Variants in SEC63 observed in about 807,000 individuals in gnomAD.
The protein encoded by SEC63 is SEC63 protein translocation regulator, also known as translocation protein SEC63 homolog.
A neutral mutation model predicts 116.2 loss-of-function variants in SEC63; 56 were observed. That is an observed-to-expected ratio of 0.48 (90% CI 0.39 to 0.60). The LOEUF (loss-of-function observed/expected upper bound fraction) is 0.60, where lower values mean the gene tolerates loss of function less well. SEC63 is among the 20% of genes least tolerant of loss of function. The pLI is 0.00. For missense variants in SEC63, 668 were observed against 900.0 expected, an observed-to-expected ratio of 0.74 and a Z score of 3.30; for synonymous variants, 273 against 294.6, an observed-to-expected ratio of 0.93 and a Z score of 0.75.
intron 7 of SEC63, chr6:107,909,260 C>T: frequency 2.3e-6 from 1 of 428,332 alleles, no homozygotes; most frequent in Non-Finnish European, 4.3e-6. Flanking sequence ...TGCCTCTAGT[C>T]CCAGCTGCTC....
intron 19 of SEC63, among the ~76,000 whole-genome samples, chr6:107,876,023 C>T (rs1161571467): frequency 2.6e-5 from 4 of 152,002 alleles, no homozygotes; most frequent in Non-Finnish European, 5.9e-5. Context: ...CCACCAAGTA[C>T]AGGCAGACAG....
intron 10 of SEC63, among the ~76,000 whole-genome samples, chr6:107,905,958 CAACAA>C (rs1270727189): frequency 6.6e-6 from 1 of 152,144 alleles, no homozygotes; most frequent in African/African-American, 2.4e-5. Context: ...AAAAGAACAG[CAACAA>C]AACACACCGC....
chr6:107,886,251 G>A (rs1224354078), intron 16 of SEC63, among the ~76,000 whole-genome samples: 2 of 152,126 alleles, frequency 1.3e-5, no homozygotes, highest in Non-Finnish European at 2.9e-5. Flanking sequence ...TCTTTATCCA[G>A]TCTATCATTG....
intron 2 of SEC63, among the ~76,000 whole-genome samples, chr6:107,926,243 G>A (rs1279206043): frequency 1.3e-5 from 2 of 152,248 alleles, no homozygotes; most frequent in South Asian, 2.1e-4. Flanking sequence ...ATAAATAAGT[G>A]CATAAAGTAA....
intron 4 of SEC63, among the ~76,000 whole-genome samples, chr6:107,914,734 G>C (rs1787360691): frequency 1.3e-5 from 2 of 152,132 alleles, no homozygotes; most frequent in African/African-American, 4.8e-5. Flanking sequence ...ACCCAACTCA[G>C]AGTTTTAGCT....
At chr6:107,875,853 A>C (rs1786251160) in intron 19 of SEC63, among the ~76,000 whole-genome samples, 1 of 152,226 alleles carries the variant, frequency 6.6e-6, no homozygotes, top group South Asian at 2.1e-4. Flanking sequence ...ATATCTAGCA[A>C]TATAGACCAA....
At position 107,913,421 on chromosome 6, in the gene SEC63, C is replaced by A. The variant is rs757425498; in HGVS notation, c.459G>T (p.Thr153=). Residue 153 remains threonine, a synonymous_variant, in exon 5 of 21, where the codon ACG becomes ACT. Transcript: ENST00000369002. ...MRIAKAYAAL[T]DEESRKNWEE... is the part of the protein sequence containing the mutation. ...CCCAATTTTTCCGGGACTCTTCATC[C>A]GTTAAACTAGCATCAAAAGAACAAA... The A allele has an allele frequency of 1.9e-6, 3 of 1,612,292 alleles. No homozygotes were observed. In the Admixed American group the frequency reaches 5.0e-5, roughly 27 times the overall value.
intron 3 of SEC63, among the ~76,000 whole-genome samples, chr6:107,924,212 C>T (rs1166318479): frequency 4.7e-5 from 7 of 149,896 alleles, no homozygotes; most frequent in African/African-American, 1.2e-4. Flanking sequence ...TGCAGTGAGC[C>T]GACGTCGTGC....
At position 107,879,763 on chromosome 6, in the gene SEC63, C is replaced by T. The variant is rs1583723270; in HGVS notation, c.1935+1386G>A. On this transcript the variant is annotated intron_variant, in intron 18 of 20. Transcript: ENST00000369002. ...TTTTTGAGACAGGGTCTCACTGTGT[C>T]ATCCAAGCTGGAGTTCAGTGGCACA... Among the ~76,000 whole-genome samples, 3 of 137,146 alleles carry T rather than the reference C, an allele frequency of 2.2e-5. No homozygotes were observed. In the East Asian group the frequency reaches 6.4e-4, roughly 29 times the overall value. 90.0% of individuals were successfully genotyped at this position (137,146 alleles called of 152,430 possible). A position where few individuals can be genotyped will look rare whatever the true frequency, so the allele number is the denominator to read the frequency against.
chr6:107,911,513 T>G (rs1296441807), intron 6 of SEC63, 117 bp from the exon 7 acceptor site: 5 of 734,178 alleles, frequency 6.8e-6, no homozygotes, highest in Non-Finnish European at 7.3e-6. Flanking sequence ...CCTCATGTAT[T>G]ATCTTGTTTA....
intron 4 of SEC63, among the ~76,000 whole-genome samples, chr6:107,920,911 A>G (rs1787541277): frequency 6.6e-6 from 1 of 152,220 alleles, no homozygotes; most frequent in Non-Finnish European, 1.5e-5. Flanking sequence ...TGTATCTCAT[A>G]ATAACAATGC....
chr6:107,938,891 A>T (rs1770313057), intron 1 of SEC63, among the ~76,000 whole-genome samples: 1 of 152,164 alleles, frequency 6.6e-6, no homozygotes, highest in African/African-American at 2.4e-5. Context: ...TAATACCGAA[A>T]TATGCTTCTT....
intron 4 of SEC63, among the ~76,000 whole-genome samples, chr6:107,918,254 A>C (rs1011540428): frequency 6.6e-6 from 1 of 152,202 alleles, no homozygotes; most frequent in Non-Finnish European, 1.5e-5. Flanking sequence ...TCAAAAAAAA[A>C]AAAATGATTC....
At position 107,902,840 on chromosome 6, in the gene SEC63, T is replaced by C. The variant is rs749316255; in HGVS notation, c.1209+4A>G. The C allele has an allele frequency of 3.1e-6, 5 of 1,613,424 alleles. No individual in the cohort carries two copies. The highest frequency in any genetic ancestry group is 4.2e-6 in the Non-Finnish European group (5 of 1,179,486). ...AAACTGACTTTAAAGTAGCAAAGAA[T>C]TACCTTCTTATGATTAGAAACCCGT... On this transcript the variant is annotated splice_donor_region_variant and intron_variant, in intron 12 of 20. Transcript: ENST00000369002.
intron 4 of SEC63, among the ~76,000 whole-genome samples, chr6:107,920,729 A>G (rs1787536503): frequency 1.3e-5 from 2 of 152,212 alleles, no homozygotes; most frequent in Non-Finnish European, 2.9e-5. Context: ...GTACTTATGA[A>G]GAGTCCTGAA....
At chr6:107,949,844 C>T (rs1770544896) in intron 1 of SEC63, among the ~76,000 whole-genome samples, 1 of 152,058 alleles carries the variant, frequency 6.6e-6, no homozygotes, top group Non-Finnish European at 1.5e-5. Context: ...ATTATGTTGC[C>T]CAGGCTGGTT....
At chr6:107,881,942 T>C (rs1786422500) in intron 17 of SEC63, among the ~76,000 whole-genome samples, 1 of 152,138 alleles carries the variant, frequency 6.6e-6, no homozygotes, top group African/African-American at 2.4e-5. Context: ...TATGAAGAAA[T>C]TAGTCTGTCA....
chr6:107,943,279 T>C (rs141087273), intron 1 of SEC63, among the ~76,000 whole-genome samples: 123 of 152,344 alleles, frequency 8.1e-4, no homozygotes, highest in African/African-American at 2.8e-3. Context: ...TGCAAATGGC[T>C]CCATGTCCTG....
chr6:107,951,561 A>G (rs1770579714), intron 1 of SEC63, among the ~76,000 whole-genome samples: 1 of 152,234 alleles, frequency 6.6e-6, no homozygotes, highest in African/African-American at 2.4e-5. Context: ...GCTCTCCTCC[A>G]AGCAGCACTT....
Sources: gnomAD v4.1 joint callset for allele counts (sites outside exome capture counted in the v4.1 genomes callset) on GRCh38, gnomAD v4.1.1 for gene constraint, MANE v1.5 for transcripts, NCBI Gene and HGNC (gene_info 2026-07-23, HGNC 2026-07-21) for gene names.